The following KALRN variants were observed in gnomAD, a reference collection of about 807,000 sequenced individuals.
The protein encoded by KALRN is kalirin RhoGEF kinase.
KALRN carries 70 observed loss-of-function variants against 353.7 expected under a neutral mutation model. The ratio of observed to expected loss-of-function variants is 0.20; its 90% CI spans 0.16 to 0.24. The LOEUF (loss-of-function observed/expected upper bound fraction) is 0.24. Among genes scored for constraint, KALRN ranks in the 10% least tolerant of loss-of-function variants. The probability of loss-of-function intolerance (pLI) is 1.00; values close to 1 mark genes in which losing one functional copy is unlikely to be tolerated. For synonymous variants in KALRN, 1,391 were observed against 1,434.8 expected (o/e 0.97, Z 0.69); for missense variants, 2,791 against 3,756.7 (o/e 0.74, Z 6.72).
chr3:124,686,555 C>A (rs1007791329), intron 51 of KALRN, among the ~76,000 whole-genome samples: 3 of 152,032 alleles, frequency 2.0e-5, no homozygotes, highest in African/African-American at 7.2e-5. Context: ...GTGGGAGGTG[C>A]CTGGCACATG....
intron 16 of KALRN, 58 bp downstream of exon 16, chr3:124,430,833 G>T: frequency 6.4e-7 from 1 of 1,562,980 alleles, no homozygotes; most frequent in Non-Finnish European, 8.7e-7. Flanking sequence ...TGTACCTCAG[G>T]CAGGGTGATT....
chr3:124,325,877 C>T (rs1216940509), intron 6 of KALRN, 103 bp from the exon 7 acceptor site: 1 of 906,880 alleles, frequency 1.1e-6, no homozygotes, highest in African/African-American at 1.7e-5. Context: ...GTCTCTCAGA[C>T]TTTTGTTTTG....
At chr3:124,358,428 TTGG>T (rs2083657330) in intron 10 of KALRN, among the ~76,000 whole-genome samples, 2 of 152,148 alleles carry the variant, frequency 1.3e-5, no homozygotes, top group Admixed American at 1.3e-4. Context: ...ACAGATAAGA[TTGG>T]CCTTTTCCAA....
chr3:124,183,330 C>T (rs984067038), intron 1 of KALRN, among the ~76,000 whole-genome samples: 36 of 152,156 alleles, frequency 2.4e-4, no homozygotes, highest in Non-Finnish European at 1.5e-4. Flanking sequence ...GGTGAGGTCT[C>T]AGGAAGCTTC....
intron 3 of KALRN, among the ~76,000 whole-genome samples, chr3:124,239,545 T>C (rs577849004): frequency 6.6e-6 from 1 of 152,220 alleles, no homozygotes; most frequent in Non-Finnish European, 1.5e-5. Context: ...GAAATTAGGA[T>C]GAGTTATTCT....
At chr3:124,268,365 C>T (rs141544898) in intron 4 of KALRN, among the ~76,000 whole-genome samples, 1 of 152,266 alleles carries the variant, frequency 6.6e-6, no homozygotes, top group African/African-American at 2.4e-5. Flanking sequence ...GGTTTTAAAG[C>T]TGTGGAAAAC....
chr3:124,315,261 C>T (rs1181921482), intron 6 of KALRN, among the ~76,000 whole-genome samples: 1 of 152,208 alleles, frequency 6.6e-6, no homozygotes, highest in Non-Finnish European at 1.5e-5. Context: ...TACGCCCTAA[C>T]TCTAATCAGC....
intron 2 of KALRN, among the ~76,000 whole-genome samples, chr3:124,231,193 G>T (rs138241911): frequency 6.6e-6 from 1 of 152,346 alleles, no homozygotes; most frequent in Non-Finnish European, 1.5e-5. Flanking sequence ...TGTGAGACAG[G>T]ATTTGGGGCT....
intron 34 of KALRN, among the ~76,000 whole-genome samples, chr3:124,630,299 T>C (rs1348273395): frequency 6.6e-6 from 1 of 152,210 alleles, no homozygotes; most frequent in Non-Finnish European, 1.5e-5. Flanking sequence ...CTGGACTTGC[T>C]CTTCCTCAAA....
chr3:124,439,200 T>TCACACACACACACACACACACACA lies in KALRN; in HGVS notation c.3198+177_3198+200dup, dbSNP rs376221553. On this transcript the variant is annotated intron_variant, in intron 18 of 59. Transcript: ENST00000682506. Reference sequence around the variant, plus strand: ...TCCTTCTTCTCCTTCTCTCTCTCTCTCACACACACACACACACACACACAC... The same window carrying TCACACACACACACACACACACACA: ...TCCTTCTTCTCCTTCTCTCTCTCTCTCACACACACACACACACACACACACACACACACACACACACACACACAC... Among the ~76,000 whole-genome samples, 390 of 98,882 alleles carry TCACACACACACACACACACACACA rather than the reference T, an allele frequency of 3.9e-3. 6 individuals carry two copies. Among genetic ancestry groups the TCACACACACACACACACACACACA allele is most frequent in the African/African-American group, 0.013 (364 of 28,350 alleles). The allele number at this position is 98,882 out of a possible 152,430, so 64.9% of individuals were successfully genotyped here.
intron 1 of KALRN, among the ~76,000 whole-genome samples, chr3:124,175,116 G>A (rs917957545): frequency 6.6e-6 from 1 of 152,234 alleles, no homozygotes; most frequent in East Asian, 1.9e-4. Context: ...GCACAGCCCA[G>A]CCCACGTGTG....
intron 1 of KALRN, among the ~76,000 whole-genome samples, chr3:124,040,084 A>G (rs1020197822): frequency 6.6e-6 from 1 of 152,212 alleles, no homozygotes; most frequent in African/African-American, 2.4e-5. Flanking sequence ...TCCTTGTGCC[A>G]CAAATCACCA....
At chr3:124,104,861 G>A (rs1218719585) in intron 1 of KALRN, among the ~76,000 whole-genome samples, 5 of 152,286 alleles carry the variant, frequency 3.3e-5, no homozygotes, top group Middle Eastern at 3.4e-3. Context: ...AGTTTGTTTG[G>A]TGGAGAAGGT....
At chr3:124,141,537 A>T (rs1217720280) in intron 1 of KALRN, among the ~76,000 whole-genome samples, 2 of 152,318 alleles carry the variant, frequency 1.3e-5, no homozygotes, top group Middle Eastern at 6.8e-3. Context: ...TCTTCCACAG[A>T]ATCCCCATTT....
chr3:124,406,822 A>T (rs1227631944), intron 13 of KALRN, among the ~76,000 whole-genome samples: 1 of 134,936 alleles, frequency 7.4e-6, no homozygotes, highest in African/African-American at 2.7e-5. Flanking sequence ...GCCTTAAGCA[A>T]GTTGCTTTGC....
At chr3:124,455,448 T>G (rs1340349635) in intron 22 of KALRN, 89 bp downstream of exon 22, 1 of 1,316,320 alleles carries the variant, frequency 7.6e-7, no homozygotes, top group African/African-American at 1.5e-5. Flanking sequence ...AAAGCATGTT[T>G]CCAGAGCAGT....
At chr3:124,177,763 G>A (rs1055907842) in intron 1 of KALRN, among the ~76,000 whole-genome samples, 4 of 152,174 alleles carry the variant, frequency 2.6e-5, no homozygotes, top group African/African-American at 9.7e-5. Context: ...GCTGGGGAGG[G>A]ATGGTTCCTA....
At chr3:124,433,800 G>A (rs1166471249) in intron 16 of KALRN, among the ~76,000 whole-genome samples, 1 of 152,122 alleles carries the variant, frequency 6.6e-6, no homozygotes, top group African/African-American at 2.4e-5. Context: ...CCTTCAACTG[G>A]AATCTTTTTC....
chr3:124,558,528 C>G (rs887416506), intron 33 of KALRN, among the ~76,000 whole-genome samples: 3 of 152,262 alleles, frequency 2.0e-5, no homozygotes, highest in Non-Finnish European at 4.4e-5. Context: ...ATCCACCGCC[C>G]TCGGCCTCCC....
Sources: gnomAD v4.1 joint callset for allele counts (sites outside exome capture counted in the v4.1 genomes callset) on GRCh38, gnomAD v4.1.1 for gene constraint, MANE v1.5 for transcripts, NCBI Gene and HGNC (gene_info 2026-07-23, HGNC 2026-07-21) for gene names.